PCCA: variants seen among roughly 807,000 people sequenced by gnomAD.
PCCA encodes propionyl-CoA carboxylase alpha chain, mitochondrial.
A neutral mutation model predicts 101.3 loss-of-function variants in PCCA; 74 were observed. That is an observed-to-expected ratio of 0.73 (90% CI 0.61 to 0.89). The LOEUF is 0.89. Ranked by LOEUF, PCCA falls within the 40% of genes least tolerant of loss-of-function variation. The pLI, the probability that PCCA is intolerant of heterozygous loss-of-function variation, is 0.00. For missense variants in PCCA, 891 were observed against 907.0 expected, an observed-to-expected ratio of 0.98 and a Z score of 0.23; for synonymous variants, 294 against 313.6, an observed-to-expected ratio of 0.94 and a Z score of 0.66.
intron 21 of PCCA, among the ~76,000 whole-genome samples, chr13:100,450,458 T>C (rs2081145046): frequency 6.6e-6 from 1 of 152,228 alleles, no homozygotes; most frequent in Non-Finnish European, 1.5e-5. Context: ...TATTTGAATA[T>C]TTCTCCATGT....
At chr13:100,422,095 TTTCTTTC>T (rs1249317506) in intron 19 of PCCA, among the ~76,000 whole-genome samples, 1 of 144,000 alleles carries the variant, frequency 6.9e-6, no homozygotes, top group African/African-American at 2.7e-5. Context: ...TCTTTCTTTC[TTTCTTTC>T]TTTCTTTCTT....
intron 6 of PCCA, among the ~76,000 whole-genome samples, chr13:100,178,124 C>T (rs1248940295): frequency 1.3e-5 from 2 of 151,998 alleles, no homozygotes; most frequent in African/African-American, 2.4e-5. Context: ...TTTATGTAGT[C>T]GTGTACTTTT....
intron 18 of PCCA, among the ~76,000 whole-genome samples, chr13:100,363,259 A>C (rs2074825988): frequency 6.6e-6 from 1 of 151,950 alleles, no homozygotes; most frequent in Admixed American, 6.6e-5. Context: ...CCCTGGGGAA[A>C]TAAGAAACAA....
At position 100,515,434 on chromosome 13, in the gene PCCA, T is replaced by C. The variant is rs371746848; in HGVS notation, c.1907T>C (p.Val636Ala). ...TTTTGTTTTTCCCTTAAGTACAAGG[T>C]GAATATCTTAACCAGACTTGCCGCA... ...SIQFLGTVYK[V>A]NILTRLAAEL... is the part of the protein sequence containing the mutation. The change falls in exon 22 of 24, where the codon GTG becomes GCG. Residue 636 changes from valine (V) to alanine (A), a missense_variant. Val to Ala is a moderately conservative substitution (Grantham distance 64). Transcript: ENST00000376285. The C allele has an allele frequency of 2.5e-6, 4 of 1,613,918 alleles. No homozygotes were observed. Among genetic ancestry groups the C allele is most frequent in the South Asian group, 1.1e-5 (1 of 91,080 alleles).
At chr13:100,269,649 T>A (rs1360832316) in intron 11 of PCCA, among the ~76,000 whole-genome samples, 2 of 152,194 alleles carry the variant, frequency 1.3e-5, no homozygotes, top group African/African-American at 4.8e-5. Flanking sequence ...AGGTGAGTGT[T>A]CCTAGTAATT....
At chr13:100,470,076 C>T (rs987319264) in intron 21 of PCCA, among the ~76,000 whole-genome samples, 3 of 152,142 alleles carry the variant, frequency 2.0e-5, no homozygotes, top group Admixed American at 2.0e-4. Context: ...CTTCATGGTT[C>T]TTGCGTCGTT....
intron 19 of PCCA, among the ~76,000 whole-genome samples, chr13:100,388,674 T>C (rs1356673533): frequency 6.6e-6 from 1 of 152,144 alleles, no homozygotes; most frequent in Non-Finnish European, 1.5e-5. Flanking sequence ...TGGTCACCTG[T>C]AGTCCCAGCT....
chr13:100,339,795 G>A (rs1344402997), intron 17 of PCCA, among the ~76,000 whole-genome samples: 1 of 152,188 alleles, frequency 6.6e-6, no homozygotes, highest in African/African-American at 2.4e-5. Context: ...TCCCTCAGCA[G>A]GGAAGCTGGG....
intron 6 of PCCA, among the ~76,000 whole-genome samples, chr13:100,176,482 T>C (rs1335473819): frequency 6.6e-6 from 1 of 152,234 alleles, no homozygotes; most frequent in Non-Finnish European, 1.5e-5. Flanking sequence ...GTTTTGATAT[T>C]GCTGTTTCTG....
At chr13:100,209,927 C>T (rs557400163) in intron 7 of PCCA, among the ~76,000 whole-genome samples, 8 of 151,440 alleles carry the variant, frequency 5.3e-5, no homozygotes, top group East Asian at 2.0e-4. Context: ...TCACTGCATC[C>T]GGCCAGAAAT....
chr13:100,320,434 C>T (rs1306795327), intron 16 of PCCA, among the ~76,000 whole-genome samples: 1 of 152,110 alleles, frequency 6.6e-6, no homozygotes, highest in Non-Finnish European at 1.5e-5. Context: ...CAGTTTTTGC[C>T]CATTCAGTAT....
At chr13:100,379,038 G>A (rs932352314) in intron 19 of PCCA, among the ~76,000 whole-genome samples, 9 of 152,098 alleles carry the variant, frequency 5.9e-5, no homozygotes, top group African/African-American at 2.2e-4. Flanking sequence ...AACATGTAGG[G>A]TAATATTCGC....
intron 19 of PCCA, among the ~76,000 whole-genome samples, chr13:100,378,531 T>C (rs2076052392): frequency 6.6e-6 from 1 of 152,162 alleles, no homozygotes; most frequent in Non-Finnish European, 1.5e-5. Context: ...TCAAATCCTT[T>C]CATTATTTCT....
At position 100,245,584 on chromosome 13, in the gene PCCA, T is replaced by A. The variant is rs114592515; in HGVS notation, c.637+9706T>A. Reference sequence around the variant, plus strand: ...GCTAAGGCTGATGGAGTTTCCACCATCTGCAATGTCATAGATTACAGAGGC... The same window carrying A: ...GCTAAGGCTGATGGAGTTTCCACCAACTGCAATGTCATAGATTACAGAGGC... On this transcript the variant is annotated intron_variant, in intron 8 of 23. Transcript: ENST00000376285. 4.0e-3 allele frequency among the ~76,000 whole-genome samples: 609 copies of A among 152,342 alleles called. 5 individuals carry two copies. Among genetic ancestry groups the A allele is most frequent in the African/African-American group, 0.014 (582 of 41,578 alleles).
intron 4 of PCCA, among the ~76,000 whole-genome samples, chr13:100,133,059 A>G (rs2050714709): frequency 6.6e-6 from 1 of 152,158 alleles, no homozygotes; most frequent in Non-Finnish European, 1.5e-5. Context: ...GATTATAGAC[A>G]TGAGCCACCA....
chr13:100,515,648 G>T lies in PCCA; in HGVS notation c.2040+81G>T, dbSNP rs1192420492. On this transcript the variant is annotated intron_variant, in intron 22 of 23. Transcript: ENST00000376285. The stretch of plus-strand genomic sequence containing the variant: ...AAAGCGACGGCTAACGGCACAGCAC[G>T]ATTCGGCTCTTTGCAGTTCTTACTT... 12 of 1,538,612 alleles carry T rather than the reference G, an allele frequency of 7.8e-6. No homozygotes were observed. In the East Asian group the frequency reaches 9.0e-5, roughly 12 times the overall value.
intron 16 of PCCA, among the ~76,000 whole-genome samples, chr13:100,324,781 A>G (rs1048881368): frequency 3.3e-5 from 5 of 152,170 alleles, no homozygotes; most frequent in African/African-American, 1.2e-4. Context: ...TGTTGCGAGT[A>G]TCTGCTTAAA....
At position 100,122,984 on chromosome 13, in the gene PCCA, G is replaced by C. The variant is rs1325428620; in HGVS notation, c.300+10923G>C. On this transcript the variant is annotated intron_variant, in intron 4 of 23. Transcript: ENST00000376285. ...AGTACAAGGTGATACAGTTAGTCAA[G>C]AGCTATAAATTGGTGGATAGGAAAG... Among the ~76,000 whole-genome samples, 4 of 152,302 alleles carry C rather than the reference G, an allele frequency of 2.6e-5. No individual in the cohort carries two copies. The East Asian group carries it at 7.7e-4, about 29-fold the overall frequency.
At chr13:100,250,289 T>C (rs1208817954) in intron 8 of PCCA, among the ~76,000 whole-genome samples, 1 of 152,158 alleles carries the variant, frequency 6.6e-6, no homozygotes, top group Non-Finnish European at 1.5e-5. Context: ...TTTTGTTAAA[T>C]GCTTTTTCTG....
Sources: allele counts gnomAD v4.1 joint callset (sites outside exome capture counted in the v4.1 genomes callset), GRCh38; gene constraint gnomAD v4.1.1; transcripts MANE v1.5; gene names NCBI Gene and HGNC (gene_info 2026-07-23, HGNC 2026-07-21).